PTK2B: variants seen among roughly 807,000 people sequenced by gnomAD.
PTK2B encodes protein-tyrosine kinase 2-beta.
Under a neutral mutation model 142.9 loss-of-function variants are expected in PTK2B, and 71 were observed. The observed-to-expected ratio is 0.50, with a 90% confidence interval of 0.41 to 0.61. The LOEUF (loss-of-function observed/expected upper bound fraction) is 0.61. PTK2B is among the 20% of genes least tolerant of loss of function. PTK2B has a pLI of 0.00. For synonymous variants in PTK2B, 519 were observed against 503.4 expected (o/e 1.03, Z -0.42); for missense variants, 1,105 against 1,320.4 (o/e 0.84, Z 2.53).
At chr8:27,402,825 G>A (rs1166532932) in intron 2 of PTK2B, among the ~76,000 whole-genome samples, 2 of 152,200 alleles carry the variant, frequency 1.3e-5, no homozygotes, top group Non-Finnish European at 2.9e-5. Flanking sequence ...TCACTCATTT[G>A]ATTCACTGTA....
At chr8:27,444,117 G>C in intron 22 of PTK2B, 89 bp from the exon 23 acceptor site, 1 of 1,346,826 alleles carries the variant, frequency 7.4e-7, no homozygotes, top group Non-Finnish European at 1.1e-6. Flanking sequence ...GAACAAGCCT[G>C]AGGTGTCTTT....
At chr8:27,411,208 G>A (rs1809039828) in intron 2 of PTK2B, among the ~76,000 whole-genome samples, 1 of 152,156 alleles carries the variant, frequency 6.6e-6, no homozygotes, top group Non-Finnish European at 1.5e-5. Context: ...GGGAGCTCTG[G>A]GTGGAGTGCT....
chr8:27,350,254 G>A (rs181748034), intron 1 of PTK2B, among the ~76,000 whole-genome samples: 340 of 152,304 alleles, frequency 2.2e-3, no homozygotes, highest in African/African-American at 7.8e-3. Flanking sequence ...AAGGCGTAAC[G>A]TAAGTCACAG....
intron 12 of PTK2B, 24 bp from the exon 13 acceptor site, chr8:27,434,489 C>T: frequency 6.2e-7 from 1 of 1,605,544 alleles, no homozygotes; most frequent in Non-Finnish European, 8.5e-7. Context: ...GCTCACCTGG[C>T]TTCTGCTCTC....
chr8:27,362,377 C>T (rs1233509609), intron 1 of PTK2B, among the ~76,000 whole-genome samples: 1 of 152,178 alleles, frequency 6.6e-6, no homozygotes, highest in East Asian at 1.9e-4. Flanking sequence ...TCAGTGTTAG[C>T]ACCCCCACAC....
At chr8:27,376,266 G>T (rs1288799964) in intron 1 of PTK2B, among the ~76,000 whole-genome samples, 3 of 152,206 alleles carry the variant, frequency 2.0e-5, no homozygotes, top group Non-Finnish European at 4.4e-5. Flanking sequence ...CCCAACTAGT[G>T]CCATTGGCCG....
At position 27,458,450 on chromosome 8, in the gene PTK2B, C is replaced by T; in HGVS notation, c.2971C>T (p.Leu991Phe). The T allele has an allele frequency of 6.2e-7, 1 of 1,605,450 alleles. No individual in the cohort carries two copies. The highest frequency in any genetic ancestry group is 8.5e-7 in the Non-Finnish European group (1 of 1,175,960). ...HTLAVDAKNL[L>F]DAVDQAKVLA... The stretch of plus-strand genomic sequence containing the variant: ...CCTGGCTGTGGACGCCAAGAACCTG[C>T]TCGACGCTGTGGACCAGGCCAAGGT... Residue 991 changes from leucine (L) to phenylalanine (F), a missense_variant, in exon 31 of 31, where the codon CTC (leucine) becomes TTC (phenylalanine). Coordinates refer to ENST00000346049, the MANE Select transcript of PTK2B (RefSeq NM_173176.3).
chr8:27,421,284 A>G (rs1305879361), intron 4 of PTK2B, among the ~76,000 whole-genome samples: 1 of 44,952 alleles, frequency 2.2e-5, no homozygotes, highest in Non-Finnish European at 5.1e-5. Flanking sequence ...TTACCTATTT[A>G]TTTATTTATT....
intron 4 of PTK2B, among the ~76,000 whole-genome samples, chr8:27,421,503 G>A (rs1394284219): frequency 1.3e-5 from 2 of 152,072 alleles, no homozygotes; most frequent in African/African-American, 4.8e-5. Context: ...TCATTCTTAT[G>A]CCTTTGCATC....
chr8:27,407,142 T>C (rs1167054387), intron 2 of PTK2B, among the ~76,000 whole-genome samples: 1 of 152,144 alleles, frequency 6.6e-6, no homozygotes, highest in Non-Finnish European at 1.5e-5. Context: ...CTGCTCAATA[T>C]AGTGAGCGGA....
chr8:27,451,486 C>A lies in PTK2B; in HGVS notation c.2525C>A (p.Thr842Lys), dbSNP rs774185140. Residue 842 changes from threonine (T) to lysine (K), a missense_variant and splice_region_variant, in exon 27 of 31, where the codon ACG becomes AAG. Transcript: ENST00000346049. ...MVYMNDKSPL[T>K]PEKEVGYLEF... The stretch of plus-strand genomic sequence containing the variant: ...TGTTCTCTTTCCTCCTTCCTCCAGA[C>A]GCCAGAGAAGGAGGTCGGCTACCGT... 6.2e-7 allele frequency: 1 copy of A among 1,614,006 alleles called. No homozygotes were observed. The highest frequency in any genetic ancestry group is 1.7e-5 in the Admixed American group (1 of 59,988).
At chr8:27,397,076 C>G (rs1283715908) in intron 1 of PTK2B, among the ~76,000 whole-genome samples, 2 of 152,228 alleles carry the variant, frequency 1.3e-5, no homozygotes, top group Non-Finnish European at 2.9e-5. Flanking sequence ...TTCCCATTCC[C>G]TCGGGGCCAC....
chr8:27,386,732 T>C (rs1420864866), intron 1 of PTK2B, among the ~76,000 whole-genome samples: 1 of 152,186 alleles, frequency 6.6e-6, no homozygotes, highest in East Asian at 1.9e-4. Context: ...GTATACTAGG[T>C]TTGCAAAGAG....
Position 27,444,808 on chromosome 8 carries a change from C to T in PTK2B, c.2214+537C>T, listed in dbSNP as rs573559964. Among the ~76,000 whole-genome samples, 12 of 152,314 alleles carry T rather than the reference C, an allele frequency of 7.9e-5. 1 individual carries two copies. The South Asian group carries it at 2.5e-3, about 32-fold the overall frequency. On this transcript the variant is annotated intron_variant, in intron 23 of 30. Transcript: ENST00000346049. ...TCTAGGAGAGAGGGAGTCCAGTCTC[C>T]TCTTATTTCTTCTCTTGCATCCCCC...
chr8:27,365,193 C>T (rs935028985), intron 1 of PTK2B, among the ~76,000 whole-genome samples: 7 of 152,226 alleles, frequency 4.6e-5, no homozygotes, highest in African/African-American at 7.2e-5. Context: ...CCTTCGCTTG[C>T]GCTAACCACA....
chr8:27,343,000 A>C (rs1240848000), intron 1 of PTK2B, among the ~76,000 whole-genome samples: 2 of 152,116 alleles, frequency 1.3e-5, no homozygotes, highest in Non-Finnish European at 2.9e-5. Flanking sequence ...GGCGTTTGTG[A>C]AGCCACCCCT....
chr8:27,353,717 A>G (rs909635455), intron 1 of PTK2B, among the ~76,000 whole-genome samples: 1 of 152,192 alleles, frequency 6.6e-6, no homozygotes, highest in Non-Finnish European at 1.5e-5. Flanking sequence ...GCTCAGCTGC[A>G]TGAAGGTTAA....
chr8:27,367,723 T>A (rs1372234203), intron 1 of PTK2B, among the ~76,000 whole-genome samples: 1 of 152,144 alleles, frequency 6.6e-6, no homozygotes, highest in Admixed American at 6.5e-5. Flanking sequence ...AAGCTTCCAA[T>A]CATGGCAGAA....
At chr8:27,407,010 T>C (rs2131586918) in intron 2 of PTK2B, among the ~76,000 whole-genome samples, 1 of 152,294 alleles carries the variant, frequency 6.6e-6, no homozygotes, top group African/African-American at 2.4e-5. Context: ...TTGTTCTTCA[T>C]CCCTCCTCAA....
Sources: gnomAD v4.1 joint callset for allele counts (sites outside exome capture counted in the v4.1 genomes callset) on GRCh38, gnomAD v4.1.1 for gene constraint, MANE v1.5 for transcripts, NCBI Gene and HGNC (gene_info 2026-07-23, HGNC 2026-07-21) for gene names.